PSD3: variants seen among roughly 807,000 people sequenced by gnomAD.
The protein encoded by PSD3 is pleckstrin and Sec7 domain containing 3.
PSD3 carries 49 observed loss-of-function variants against 105.5 expected under a neutral mutation model. The observed-to-expected ratio is 0.46, with a 90% confidence interval of 0.37 to 0.59. The LOEUF (loss-of-function observed/expected upper bound fraction) is 0.59. Ranked by LOEUF, PSD3 falls within the 20% of genes least tolerant of loss-of-function variation. The pLI is 0.00. For synonymous variants in PSD3, 557 were observed against 457.8 expected (o/e 1.22, Z -2.77); for missense variants, 1,561 against 1,263.8 (o/e 1.24, Z -3.57).
chr8:18,822,088 A>AT (rs1212863935), intron 4 of PSD3, among the ~76,000 whole-genome samples: 1 of 152,128 alleles, frequency 6.6e-6, no homozygotes, highest in African/African-American at 2.4e-5. Context: ...CACCTTGATA[A>AT]TTTTTTGTTT....
At chr8:18,781,018 C>T (rs895148138) in intron 8 of PSD3, among the ~76,000 whole-genome samples, 1 of 152,010 alleles carries the variant, frequency 6.6e-6, no homozygotes, top group African/African-American at 2.4e-5. Flanking sequence ...TTTATATCTT[C>T]CCCAGGTATA....
Position 18,777,486 on chromosome 8 carries a change from T to C in PSD3, c.2083-11948A>G, listed in dbSNP as rs550091607. 3.9e-5 allele frequency among the ~76,000 whole-genome samples: 6 copies of C among 152,378 alleles called. No individual in the cohort carries two copies. In the South Asian group the frequency reaches 1.2e-3, roughly 32 times the overall value. On this transcript the variant is annotated intron_variant, in intron 8 of 15. Coordinates refer to ENST00000327040, the MANE Select transcript of PSD3 (RefSeq NM_015310.4). ...GAGTTTTTTTCCCATGCTTTTCTAG[T>C]TCTTTACAGTGTTTCATTAGATTGT...
intron 2 of PSD3, among the ~76,000 whole-genome samples, chr8:18,921,180 CTATTAG>C (rs1306002462): frequency 6.6e-6 from 1 of 151,240 alleles, no homozygotes; most frequent in East Asian, 1.9e-4. Context: ...TATCTTCTCA[CTATTAG>C]TATTCAATTG....
intron 1 of PSD3, among the ~76,000 whole-genome samples, chr8:19,072,560 G>A (rs997407219): frequency 6.6e-6 from 1 of 152,152 alleles, no homozygotes; most frequent in African/African-American, 2.4e-5. Flanking sequence ...GATGAGAGAG[G>A]TGGGTAAGAA....
In PSD3 at chr8:19,084,646, C is replaced by G. The variant is rs868094507; in HGVS notation, c.-117G>C. On this transcript the variant is annotated 5_prime_UTR_variant, in exon 1 of 2. Coordinates refer to the PSD3 transcript ENST00000521475. ...GATCTGCAATCACCACCCCTGCTTA[C>G]GTCCGGATCCTGGGATTTTTTCCTC... 1.8e-5 allele frequency: 6 copies of G among 342,070 alleles called. No individual in the cohort carries two copies. In the East Asian group the frequency reaches 2.3e-4, roughly 13 times the overall value. 21.2% of individuals were successfully genotyped at this position (342,070 alleles called of 1,614,324 possible).
At chr8:18,852,593 G>T (rs1234084862) in intron 4 of PSD3, among the ~76,000 whole-genome samples, 3 of 152,186 alleles carry the variant, frequency 2.0e-5, no homozygotes, top group African/African-American at 7.2e-5. Context: ...TGGACCTGCG[G>T]TAATCTACCC....
intron 12 of PSD3, among the ~76,000 whole-genome samples, chr8:18,592,768 G>C (rs1295542877): frequency 1.3e-5 from 2 of 151,916 alleles, no homozygotes; most frequent in Non-Finnish European, 2.9e-5. Context: ...CTTTAAAAAT[G>C]AAAGATATAT....
intron 1 of PSD3, among the ~76,000 whole-genome samples, chr8:19,041,444 G>C (rs1013828098): frequency 7.2e-5 from 11 of 152,198 alleles, no homozygotes; most frequent in African/African-American, 2.7e-4. Flanking sequence ...TGAAGATTAA[G>C]TGAGAGAATG....
chr8:18,969,750 C>T (rs919616516), intron 1 of PSD3, among the ~76,000 whole-genome samples: 2 of 151,932 alleles, frequency 1.3e-5, no homozygotes, highest in African/African-American at 4.8e-5. Context: ...TAAAGTAAAC[C>T]CAAGGATCTT....
chr8:18,946,159 C>CTT (rs957107388), intron 1 of PSD3, among the ~76,000 whole-genome samples: 2 of 152,186 alleles, frequency 1.3e-5, no homozygotes, highest in Non-Finnish European at 2.9e-5. Context: ...ATAATTAAGA[C>CTT]TTTCCACTAT....
At chr8:19,024,349 A>G (rs1827470650) in intron 1 of PSD3, among the ~76,000 whole-genome samples, 1 of 152,190 alleles carries the variant, frequency 6.6e-6, no homozygotes, top group Non-Finnish European at 1.5e-5. Flanking sequence ...AGCAGGGCTT[A>G]GAGACACTGC....
At chr8:18,798,151 T>C (rs1810354668) in intron 8 of PSD3, among the ~76,000 whole-genome samples, 1 of 152,148 alleles carries the variant, frequency 6.6e-6, no homozygotes, top group Admixed American at 6.6e-5. Flanking sequence ...AATGCCTGCA[T>C]TTCCACATGG....
At chr8:19,033,363 G>C (rs74787744) in intron 1 of PSD3, among the ~76,000 whole-genome samples, 7,858 of 152,010 alleles carry the variant, frequency 0.052, 702 homozygotes, top group African/African-American at 0.18. Context: ...TTATAGAACA[G>C]CTAACAGCAA....
intron 1 of PSD3, among the ~76,000 whole-genome samples, chr8:18,966,897 TACTC>T (rs1379086689): frequency 6.6e-6 from 1 of 152,220 alleles, no homozygotes; most frequent in African/African-American, 2.4e-5. Flanking sequence ...CTTTAGGAGA[TACTC>T]ACAAGCAAGG....
At chr8:18,791,996 A>G (rs1273540762) in intron 8 of PSD3, among the ~76,000 whole-genome samples, 1 of 152,336 alleles carries the variant, frequency 6.6e-6, no homozygotes. Context: ...AATATCGCAA[A>G]TCAAAACCAC....
At chr8:18,930,569 ATTTTTT>A (rs5889836) in intron 2 of PSD3, among the ~76,000 whole-genome samples, 2 of 133,092 alleles carry the variant, frequency 1.5e-5, no homozygotes, top group African/African-American at 5.9e-5. Flanking sequence ...AACTTTTTCA[ATTTTTT>A]TTTTTTTTTT....
At chr8:18,837,017 T>A (rs1161389381) in intron 4 of PSD3, among the ~76,000 whole-genome samples, 2 of 151,916 alleles carry the variant, frequency 1.3e-5, no homozygotes, top group Non-Finnish European at 2.9e-5. Context: ...CGGTTTGATC[T>A]GATGGCAAGG....
chr8:18,899,749 C>T (rs1176800877), intron 2 of PSD3, among the ~76,000 whole-genome samples: 5 of 152,136 alleles, frequency 3.3e-5, no homozygotes, highest in African/African-American at 1.2e-4. Context: ...GGAACCAATC[C>T]AGCAGAAGAG....
At chr8:18,854,931 G>A (rs1016276393) in intron 4 of PSD3, among the ~76,000 whole-genome samples, 1 of 152,174 alleles carries the variant, frequency 6.6e-6, no homozygotes, top group Non-Finnish European at 1.5e-5. Context: ...AAGTGGCCAG[G>A]CAACACACAC....
Sources: allele counts gnomAD v4.1 joint callset (sites outside exome capture counted in the v4.1 genomes callset), GRCh38; gene constraint gnomAD v4.1.1; transcripts MANE v1.5; gene names NCBI Gene and HGNC (gene_info 2026-07-23, HGNC 2026-07-21).